Variants in TMEM117 observed in about 807,000 individuals in gnomAD.
The protein encoded by TMEM117 is transmembrane protein 117.
In TMEM117, 27 loss-of-function variants were observed where a neutral mutation model predicts 52.4. That is an observed-to-expected ratio of 0.51 (90% CI 0.38 to 0.71). The LOEUF (loss-of-function observed/expected upper bound fraction) is 0.71, where lower values mean the gene tolerates loss of function less well. Among genes scored for constraint, TMEM117 ranks in the 30% least tolerant of loss-of-function variants. TMEM117 has a pLI of 0.00. For missense variants in TMEM117, 556 were observed against 630.5 expected (o/e 0.88, Z 1.26); for synonymous variants, 215 against 206.3 (o/e 1.04, Z -0.36).
At chr12:44,033,057 A>G (rs1946658106) in intron 3 of TMEM117, among the ~76,000 whole-genome samples, 1 of 152,196 alleles carries the variant, frequency 6.6e-6, no homozygotes, top group Non-Finnish European at 1.5e-5. Flanking sequence ...TACAGGCCAT[A>G]AAGACCTTGC....
At chr12:44,147,737 G>T (rs1416247738) in intron 4 of TMEM117, among the ~76,000 whole-genome samples, 1 of 151,956 alleles carries the variant, frequency 6.6e-6, no homozygotes, top group Non-Finnish European at 1.5e-5. Flanking sequence ...GAGCTCACCA[G>T]CCTGGCCAAC....
chr12:44,075,951 G>A (rs1947375158), intron 3 of TMEM117, among the ~76,000 whole-genome samples: 1 of 152,156 alleles, frequency 6.6e-6, no homozygotes, highest in South Asian at 2.1e-4. Flanking sequence ...TGGTAGACTA[G>A]CATTGTCTGA....
intron 2 of TMEM117, among the ~76,000 whole-genome samples, chr12:43,883,813 C>G (rs1023315070): frequency 6.6e-6 from 1 of 151,148 alleles, no homozygotes; most frequent in African/African-American, 2.4e-5. Flanking sequence ...TCTAGCCAAG[C>G]AACTCTATTC....
chr12:43,983,564 G>A (rs958565287), intron 3 of TMEM117, among the ~76,000 whole-genome samples: 4 of 146,984 alleles, frequency 2.7e-5, no homozygotes, highest in African/African-American at 1.0e-4. Context: ...GTGTGTGTGT[G>A]TGTGTGTGTG....
At chr12:44,251,925 C>T (rs1030924976) in intron 5 of TMEM117, among the ~76,000 whole-genome samples, 3 of 152,200 alleles carry the variant, frequency 2.0e-5, no homozygotes, top group Admixed American at 2.0e-4. Context: ...TCACCCCACC[C>T]CTCCTTCACT....
rs536499552 is a variant in TMEM117 at position 43,930,320 on chromosome 12, G to A, written c.278-13890G>A. 1.2e-3 allele frequency among the ~76,000 whole-genome samples: 179 copies of A among 152,282 alleles called. 1 individual carries two copies. The highest frequency in any genetic ancestry group is 4.1e-3 in the African/African-American group (171 of 41,558). On this transcript the variant is annotated intron_variant, in intron 2 of 7. Transcript: ENST00000266534. ...GTCAGCAAATGATCTATGGGAAATT[G>A]TGTTAGAATTTCGGGTCATTTCCTG...
intron 6 of TMEM117, among the ~76,000 whole-genome samples, chr12:44,314,770 C>T (rs1951033825): frequency 6.6e-6 from 1 of 152,088 alleles, no homozygotes; most frequent in Non-Finnish European, 1.5e-5. Context: ...ATACTAGCTT[C>T]ATAGTATGAG....
chr12:43,954,368 G>GT (rs1945273630), intron 3 of TMEM117, among the ~76,000 whole-genome samples: 1 of 151,782 alleles, frequency 6.6e-6, no homozygotes, highest in Non-Finnish European at 1.5e-5. Context: ...CCAGGAGCTG[G>GT]TTTTTTGAAA....
chr12:43,921,013 G>A (rs981819552), intron 2 of TMEM117, among the ~76,000 whole-genome samples: 2 of 152,038 alleles, frequency 1.3e-5, no homozygotes, highest in African/African-American at 2.4e-5. Context: ...ATCTGGAGTA[G>A]CTTGTTCCCG....
At chr12:43,875,712 A>G (rs2137437233) in intron 2 of TMEM117, among the ~76,000 whole-genome samples, 1 of 152,322 alleles carries the variant, frequency 6.6e-6, no homozygotes, top group African/African-American at 2.4e-5. Flanking sequence ...CTGTTGGGCT[A>G]CTTTATTTAC....
chr12:43,879,848 T>A (rs554626885), intron 2 of TMEM117, among the ~76,000 whole-genome samples: 89 of 152,334 alleles, frequency 5.8e-4, no homozygotes, highest in African/African-American at 2.0e-3. Flanking sequence ...GCCACATTGC[T>A]GCAGAAGGTG....
chr12:44,308,136 A>C (rs979802495), intron 6 of TMEM117, among the ~76,000 whole-genome samples: 1 of 152,198 alleles, frequency 6.6e-6, no homozygotes, highest in Non-Finnish European at 1.5e-5. Context: ...GTTTTATCCC[A>C]ATTTAAAGTA....
intron 3 of TMEM117, among the ~76,000 whole-genome samples, chr12:44,087,256 G>T (rs1042177699): frequency 6.6e-6 from 1 of 151,710 alleles, no homozygotes; most frequent in Admixed American, 6.6e-5. Context: ...TATTCGTATT[G>T]CCCTAAAAAT....
intron 3 of TMEM117, among the ~76,000 whole-genome samples, chr12:44,059,412 A>G (rs1947105629): frequency 6.6e-6 from 1 of 152,164 alleles, no homozygotes; most frequent in Non-Finnish European, 1.5e-5. Context: ...TTACAAGGAG[A>G]GAAGCTTAGT....
intron 3 of TMEM117, among the ~76,000 whole-genome samples, chr12:44,085,257 TTTTTTTTCTA>T (rs1198797312): frequency 6.6e-6 from 1 of 152,208 alleles, no homozygotes; most frequent in Admixed American, 6.5e-5. Context: ...TTGTCTCATT[TTTTTTTTCTA>T]CTACAGTGTC....
At chr12:44,080,414 C>G (rs919326247) in intron 3 of TMEM117, among the ~76,000 whole-genome samples, 3 of 152,020 alleles carry the variant, frequency 2.0e-5, no homozygotes, top group African/African-American at 7.2e-5. Context: ...GGTAACTGCC[C>G]CCATAATTAA....
chr12:44,213,984 G>C (rs1399870111), intron 5 of TMEM117, among the ~76,000 whole-genome samples: 1 of 152,050 alleles, frequency 6.6e-6, no homozygotes, highest in Non-Finnish European at 1.5e-5. Flanking sequence ...GCAAGGGTAA[G>C]CCATGTATTC....
At chr12:44,285,854 T>C (rs17094384) in intron 5 of TMEM117, among the ~76,000 whole-genome samples, 2,824 of 152,330 alleles carry the variant, frequency 0.019, 88 homozygotes, top group African/African-American at 0.064. Context: ...GTTCTTGGTT[T>C]TGCAGTGAAA....
chr12:44,254,472 T>A (rs1019182068), intron 5 of TMEM117, among the ~76,000 whole-genome samples: 43 of 152,076 alleles, frequency 2.8e-4, no homozygotes, highest in African/African-American at 1.0e-3. Context: ...CCCAGATTTT[T>A]AAAAAGTTTT....
Sources: gnomAD v4.1 joint callset for allele counts (sites outside exome capture counted in the v4.1 genomes callset) on GRCh38, gnomAD v4.1.1 for gene constraint, MANE v1.5 for transcripts, NCBI Gene and HGNC (gene_info 2026-07-23, HGNC 2026-07-21) for gene names.